PLCL2: variants seen among roughly 807,000 people sequenced by gnomAD.
The protein encoded by PLCL2 is inactive phospholipase C-like protein 2.
PLCL2 carries 4 observed loss-of-function variants against 79.6 expected under a neutral mutation model. The observed-to-expected ratio is 0.05, with a 90% CI of 0.02 to 0.11. The LOEUF is 0.11. PLCL2 is among the 10% of genes least tolerant of loss of function. PLCL2 has a pLI of 1.00. For missense variants in PLCL2, 895 were observed against 1,291.0 expected, an observed-to-expected ratio of 0.69 and a Z score of 4.70; for synonymous variants, 484 against 457.7, an observed-to-expected ratio of 1.06 and a Z score of -0.73.
chr3:16,991,610 G>A (rs1239851888), intron 1 of PLCL2, among the ~76,000 whole-genome samples: 1 of 152,124 alleles, frequency 6.6e-6, no homozygotes, highest in Non-Finnish European at 1.5e-5. Flanking sequence ...ATGGGGTAGT[G>A]GGTCACAAGA....
chr3:16,902,255 AT>A (rs973703984), intron 1 of PLCL2, among the ~76,000 whole-genome samples: 5 of 152,022 alleles, frequency 3.3e-5, no homozygotes, highest in African/African-American at 9.7e-5. Context: ...AAGAGAGAGT[AT>A]TTTTTTTAAG....
intron 1 of PLCL2, among the ~76,000 whole-genome samples, chr3:16,905,922 A>G (rs1383717482): frequency 6.6e-6 from 1 of 152,258 alleles, no homozygotes; most frequent in Non-Finnish European, 1.5e-5. Flanking sequence ...AGGCCCAGCC[A>G]GGGCACCATT....
intron 3 of PLCL2, among the ~76,000 whole-genome samples, chr3:17,028,482 CT>C (rs200573131): frequency 0.18 from 25,592 of 141,764 alleles, 2,393 homozygotes; most frequent in East Asian, 0.52. Flanking sequence ...TTTTTTTTTT[CT>C]TTTTTTTTTT....
At chr3:17,019,220 GA>G (rs2064419639) in intron 3 of PLCL2, among the ~76,000 whole-genome samples, 1 of 152,146 alleles carries the variant, frequency 6.6e-6, no homozygotes, top group Admixed American at 6.6e-5. Context: ...GCTCACAGGT[GA>G]AATATGCTCA....
At chr3:16,999,780 G>T (rs1330171574) in intron 1 of PLCL2, among the ~76,000 whole-genome samples, 2 of 151,950 alleles carry the variant, frequency 1.3e-5, no homozygotes, top group Non-Finnish European at 1.5e-5. Flanking sequence ...GCTTGATTTT[G>T]CTGTTTTTAT....
At chr3:17,023,425 G>A (rs531953622) in intron 3 of PLCL2, among the ~76,000 whole-genome samples, 1 of 152,174 alleles carries the variant, frequency 6.6e-6, no homozygotes, top group Non-Finnish European at 1.5e-5. Flanking sequence ...GGACCCAGGG[G>A]GAGGTAGTTG....
At chr3:17,085,637 G>C (rs1052474734) in intron 5 of PLCL2, among the ~76,000 whole-genome samples, 2 of 151,182 alleles carry the variant, frequency 1.3e-5, no homozygotes, top group Admixed American at 6.6e-5. Context: ...TTTTAGTAGA[G>C]ACGGGGTTTC....
chr3:16,919,189 T>C (rs1697066011), intron 1 of PLCL2, among the ~76,000 whole-genome samples: 1 of 152,190 alleles, frequency 6.6e-6, no homozygotes, highest in Admixed American at 6.5e-5. Context: ...TTTCTGAAAC[T>C]TGTTCTTCTG....
intron 4 of PLCL2, among the ~76,000 whole-genome samples, chr3:17,067,050 C>T (rs1218322159): frequency 1.3e-5 from 2 of 152,000 alleles, no homozygotes; most frequent in Non-Finnish European, 2.9e-5. Flanking sequence ...CACTTCCCTC[C>T]ACCACATACA....
chr3:16,937,323 A>G (rs1697564353), intron 1 of PLCL2, among the ~76,000 whole-genome samples: 2 of 152,202 alleles, frequency 1.3e-5, no homozygotes, highest in East Asian at 1.9e-4. Context: ...GGCACTAACT[A>G]AATTTGTTAT....
Position 17,011,480 on chromosome 3 carries a change from G to T in PLCL2, c.2134G>T (p.Asp712Tyr). ...CTTTCAGACACCAGGACTGATGATGGACCTGAATATTGGCTGGTTTAGGCA... is the reference window on the plus strand; with the variant it reads ...CTTTCAGACACCAGGACTGATGATGTACCTGAATATTGGCTGGTTTAGGCA... ...MNFQTPGLMM[D>Y]LNIGWFRQNG... The change falls in exon 2 of 6, where the codon GAC becomes TAC. Residue 712 changes from aspartate (D) to tyrosine (Y), a missense_variant. Coordinates refer to ENST00000615277, the MANE Select transcript of PLCL2 (RefSeq NM_001144382.2). This position sits in a 1 kb window ranked among gnomAD's most constrained non-coding sequence, Gnocchi z 7.9. The T allele has an allele frequency of 6.2e-7, 1 of 1,614,164 alleles. No homozygotes were observed. The highest frequency in any genetic ancestry group is 8.5e-7 in the Non-Finnish European group (1 of 1,180,026).
chr3:17,064,882 T>C (rs1373249146), intron 4 of PLCL2, among the ~76,000 whole-genome samples: 2 of 133,134 alleles, frequency 1.5e-5, no homozygotes, highest in Non-Finnish European at 3.1e-5. Flanking sequence ...TGAGCCGAGA[T>C]CACACCACTG....
chr3:16,896,915 C>T (rs1002715084), intron 1 of PLCL2, among the ~76,000 whole-genome samples: 2 of 152,164 alleles, frequency 1.3e-5, no homozygotes, highest in African/African-American at 4.8e-5. Flanking sequence ...ATCAGAACCT[C>T]TGGGGGTTTC....
At chr3:16,891,211 C>T (rs114893614) in intron 1 of PLCL2, among the ~76,000 whole-genome samples, 6,446 of 152,260 alleles carry the variant, frequency 0.042, 222 homozygotes, top group Admixed American at 0.11. Flanking sequence ...TCCCTGGTTC[C>T]TTTCTTTATG....
chr3:17,076,656 C>T (rs1457492078), intron 5 of PLCL2, among the ~76,000 whole-genome samples: 1 of 151,998 alleles, frequency 6.6e-6, no homozygotes, highest in Non-Finnish European at 1.5e-5. Context: ...GCACGTGCTA[C>T]CATGCCTGGA....
intron 1 of PLCL2, among the ~76,000 whole-genome samples, chr3:16,964,208 C>G (rs1407027748): frequency 6.9e-6 from 1 of 144,598 alleles, no homozygotes; most frequent in African/African-American, 2.6e-5. Context: ...GTGTCATGTT[C>G]CCCTTCCTGT....
intron 1 of PLCL2, among the ~76,000 whole-genome samples, chr3:16,989,833 A>T (rs1449652662): frequency 1.3e-5 from 2 of 152,212 alleles, no homozygotes; most frequent in African/African-American, 4.8e-5. Flanking sequence ...TATTATGTAA[A>T]TATGTAGCTA....
chr3:16,973,280 T>A (rs954173472), intron 1 of PLCL2, among the ~76,000 whole-genome samples: 7 of 152,172 alleles, frequency 4.6e-5, no homozygotes, highest in Non-Finnish European at 8.8e-5. Context: ...GGTTGGAATT[T>A]CTTTTATTTA....
intron 1 of PLCL2, among the ~76,000 whole-genome samples, chr3:16,994,370 T>TAA (rs992686405): frequency 6.6e-6 from 1 of 151,014 alleles, no homozygotes; most frequent in East Asian, 1.9e-4. Flanking sequence ...GGCTTTTAAT[T>TAA]AAAAAAAAAT....
Sources: allele counts gnomAD v4.1 joint callset (sites outside exome capture counted in the v4.1 genomes callset), GRCh38; gene constraint gnomAD v4.1.1; non-coding constraint Gnocchi (gnomAD v3.1); transcripts MANE v1.5; gene names NCBI Gene and HGNC (gene_info 2026-07-23, HGNC 2026-07-21).